PTPRK: variants seen among roughly 807,000 people sequenced by gnomAD.
PTPRK encodes receptor-type tyrosine-protein phosphatase kappa.
A neutral mutation model predicts 178.0 loss-of-function variants in PTPRK; 75 were observed. The ratio of observed to expected loss-of-function variants is 0.42; its 90% CI spans 0.35 to 0.51. The LOEUF is 0.51. PTPRK is among the 20% of genes least tolerant of loss of function. The pLI is 0.02. For synonymous variants in PTPRK, 637 were observed against 620.6 expected (o/e 1.03, Z -0.39); for missense variants, 1,441 against 1,797.8 (o/e 0.80, Z 3.59).
intron 6 of PTPRK, among the ~76,000 whole-genome samples, chr6:128,196,096 C>T (rs532259640): frequency 1.3e-5 from 2 of 152,006 alleles, no homozygotes; most frequent in African/African-American, 2.4e-5. Flanking sequence ...CAGGTTATTA[C>T]GTACTTCTAA....
In PTPRK at chr6:128,111,921, T is replaced by A. The variant is rs548748525; in HGVS notation, c.1163-21929A>T. ...AGAACCTAACATGATATCTAACACA[T>A]AACAGGTGTATCTGTGAATGACTTA... On this transcript the variant is annotated intron_variant, in intron 7 of 29. Coordinates refer to ENST00000368226, the MANE Select transcript of PTPRK (RefSeq NM_002844.4). Among the ~76,000 whole-genome samples, 21 of 152,186 alleles carry A rather than the reference T, an allele frequency of 1.4e-4. 1 individual carries two copies. In the South Asian group the frequency reaches 4.4e-3, roughly 32 times the overall value.
intron 3 of PTPRK, among the ~76,000 whole-genome samples, chr6:128,317,207 T>C (rs1481046234): frequency 6.6e-6 from 1 of 152,198 alleles, no homozygotes; most frequent in Non-Finnish European, 1.5e-5. Flanking sequence ...GAAATAATAT[T>C]GCTCCACCAC....
At chr6:128,517,201 C>G (rs933281823) in intron 1 of PTPRK, among the ~76,000 whole-genome samples, 1 of 151,978 alleles carries the variant, frequency 6.6e-6, no homozygotes. Context: ...ATGATGATTA[C>G]ACCCCAGATA....
chr6:128,354,850 T>A (rs1377744743), intron 2 of PTPRK, among the ~76,000 whole-genome samples: 4 of 152,214 alleles, frequency 2.6e-5, no homozygotes, highest in African/African-American at 9.6e-5. Context: ...TCATCTAGAC[T>A]AACTTTTAAT....
intron 7 of PTPRK, among the ~76,000 whole-genome samples, chr6:128,113,607 T>A (rs1791023738): frequency 6.6e-6 from 1 of 152,092 alleles, no homozygotes; most frequent in African/African-American, 2.4e-5. Context: ...TCAGGTTACA[T>A]GAAAATATTA....
chr6:128,048,462 G>A (rs1778448630), intron 13 of PTPRK, among the ~76,000 whole-genome samples: 2 of 151,408 alleles, frequency 1.3e-5, no homozygotes, highest in Admixed American at 6.6e-5. Context: ...GCCCTACATG[G>A]GTGATGCCCT....
chr6:128,209,778 C>T (rs1011611320), intron 6 of PTPRK, among the ~76,000 whole-genome samples: 5 of 152,036 alleles, frequency 3.3e-5, no homozygotes, highest in African/African-American at 1.2e-4. Context: ...TTAGAAAAAG[C>T]CAAGACCCTA....
rs1165737434 is a variant in PTPRK at position 128,067,805 on chromosome 6, G to GA, written c.1884-14dup. Reference sequence around the variant, plus strand: ...AATCTGATAAGCACTTTGGGGAAAAGAAAAAAAGAACACACATATATATAC... The same window carrying GA: ...AATCTGATAAGCACTTTGGGGAAAAGAAAAAAAAGAACACACATATATATAC... On this transcript the variant is annotated splice_polypyrimidine_tract_variant and intron_variant, in intron 11 of 29. Transcript: ENST00000368226. 2.6e-6 allele frequency: 4 copies of GA among 1,553,452 alleles called. No homozygotes were observed. Among genetic ancestry groups the GA allele is most frequent in the Admixed American group, 4.0e-5 (2 of 50,444 alleles).
chr6:128,486,950 C>A (rs1023976429), intron 1 of PTPRK, among the ~76,000 whole-genome samples: 5 of 151,284 alleles, frequency 3.3e-5, no homozygotes, highest in African/African-American at 1.2e-4. Flanking sequence ...TCAACTGAAA[C>A]TAGCTCAGAA....
intron 7 of PTPRK, among the ~76,000 whole-genome samples, chr6:128,164,146 C>T (rs1005152193): frequency 2.6e-5 from 4 of 151,362 alleles, no homozygotes; most frequent in Non-Finnish European, 5.9e-5. Flanking sequence ...TAAACAGAAA[C>T]TATTACATAG....
chr6:128,222,567 T>C (rs1241043653), intron 5 of PTPRK, among the ~76,000 whole-genome samples: 1 of 152,202 alleles, frequency 6.6e-6, no homozygotes, highest in East Asian at 1.9e-4. Flanking sequence ...AACATCCAAG[T>C]TCCTGTGCTG....
At chr6:128,397,414 A>G (rs1840459232) in intron 2 of PTPRK, 152 bp downstream of exon 2, 1 of 791,088 alleles carries the variant, frequency 1.3e-6, no homozygotes, top group East Asian at 2.6e-5. Flanking sequence ...TATTAAGGGA[A>G]AGGCAAAGAA....
chr6:128,389,234 A>G (rs1450890518), intron 2 of PTPRK, among the ~76,000 whole-genome samples: 3 of 152,124 alleles, frequency 2.0e-5, no homozygotes, highest in Non-Finnish European at 4.4e-5. Flanking sequence ...ACTAGGTTGG[A>G]AAACTAACAT....
At chr6:128,078,791 T>C (rs1262187136) in intron 11 of PTPRK, 22 bp downstream of exon 11, 4 of 1,540,242 alleles carry the variant, frequency 2.6e-6, no homozygotes, top group African/African-American at 1.4e-5. Flanking sequence ...AAGGCAGAAC[T>C]ACTGTAGTTT....
intron 16 of PTPRK, among the ~76,000 whole-genome samples, chr6:127,998,404 G>A (rs1777413649): frequency 6.6e-6 from 1 of 151,976 alleles, no homozygotes; most frequent in Non-Finnish European, 1.5e-5. Flanking sequence ...GACCCAAAGT[G>A]TATTGCTACT....
At chr6:128,237,302 T>C (rs1250162789) in intron 5 of PTPRK, among the ~76,000 whole-genome samples, 3 of 152,042 alleles carry the variant, frequency 2.0e-5, no homozygotes, top group Admixed American at 2.0e-4. Context: ...TACCTGACCA[T>C]GGCAGGTATA....
intron 1 of PTPRK, among the ~76,000 whole-genome samples, chr6:128,494,332 G>A (rs1351492809): frequency 6.6e-6 from 1 of 151,626 alleles, no homozygotes; most frequent in Non-Finnish European, 1.5e-5. Flanking sequence ...TGATTTAGTA[G>A]ATTTTAAATT....
chr6:128,496,611 A>G (rs116353882), intron 1 of PTPRK, among the ~76,000 whole-genome samples: 94 of 152,356 alleles, frequency 6.2e-4, no homozygotes, highest in African/African-American at 1.9e-3. Flanking sequence ...GATCAGAAAG[A>G]CAGTCATGTT....
At chr6:128,027,995 T>C (rs1774623899) in intron 13 of PTPRK, 1 of 152,230 alleles carries the variant, frequency 6.6e-6, no homozygotes, top group South Asian at 2.1e-4. Flanking sequence ...CAAGTCCTAC[T>C]CATCCTAATC....
Sources: allele counts gnomAD v4.1 joint callset (sites outside exome capture counted in the v4.1 genomes callset), GRCh38; gene constraint gnomAD v4.1.1; transcripts MANE v1.5; gene names NCBI Gene and HGNC (gene_info 2026-07-23, HGNC 2026-07-21).